The following FABP12 variants were observed in gnomAD, a reference collection of about 807,000 sequenced individuals.
The protein encoded by FABP12 is fatty acid binding protein 12.
FABP12 carries 19 observed loss-of-function variants against 13.7 expected under a neutral mutation model. The ratio of observed to expected loss-of-function variants is 1.39; its 90% CI spans 0.97 to 2.04. The LOEUF (loss-of-function observed/expected upper bound fraction) is 2.04. Among genes scored for constraint, FABP12 ranks in the 30% most tolerant of loss-of-function variants. FABP12 has a pLI of 0.00. For missense variants in FABP12, 182 were observed against 164.2 expected (o/e 1.11, Z -0.59); for synonymous variants, 61 against 57.0 (o/e 1.07, Z -0.32).
intron 1 of FABP12, among the ~76,000 whole-genome samples, chr8:81,552,236 C>T (rs577046105): frequency 7.2e-5 from 11 of 152,180 alleles, no homozygotes; most frequent in East Asian, 3.9e-4. Flanking sequence ...ACATTCCAAG[C>T]GGAGATAACA....
chr8:81,569,075 A>G (rs1382985198), intron 1 of FABP12, among the ~76,000 whole-genome samples: 1 of 152,190 alleles, frequency 6.6e-6, no homozygotes, highest in African/African-American at 2.4e-5. Flanking sequence ...ACAATCATTT[A>G]TTGTAAATTT....
chr8:81,578,823 G>GTTTTTTTTTTT (rs763089399), intron 1 of FABP12, among the ~76,000 whole-genome samples: 2 of 105,668 alleles, frequency 1.9e-5, no homozygotes, highest in African/African-American at 8.1e-5. Context: ...ATTTGTTCAA[G>GTTTTTTTTTTT]TTTTTTTTTT....
intron 1 of FABP12, among the ~76,000 whole-genome samples, chr8:81,583,891 A>G (rs952096937): frequency 6.6e-6 from 1 of 152,222 alleles, no homozygotes; most frequent in Non-Finnish European, 1.5e-5. Flanking sequence ...CAACAAAAAT[A>G]AAAAACCTAC....
chr8:81,579,549 G>A (rs1005199947), intron 1 of FABP12, among the ~76,000 whole-genome samples: 3 of 152,072 alleles, frequency 2.0e-5, no homozygotes, highest in East Asian at 3.9e-4. Context: ...ATGTCATTTT[G>A]GTGCAATTAA....
intron 1 of FABP12, among the ~76,000 whole-genome samples, chr8:81,552,996 G>T (rs773357717): frequency 3.9e-5 from 6 of 152,198 alleles, no homozygotes; most frequent in Non-Finnish European, 5.9e-5. Context: ...TCAGGAGAAA[G>T]TTCGGGGCTA....
upstream of FABP12, among the ~76,000 whole-genome samples, chr8:81,538,633 A>G (rs1294288843): frequency 2.0e-5 from 3 of 152,178 alleles, no homozygotes; most frequent in African/African-American, 7.2e-5. Flanking sequence ...GAAGAGAGGC[A>G]TGAAAAAGAT....
At chr8:81,555,832 T>A (rs968065836) in intron 1 of FABP12, among the ~76,000 whole-genome samples, 9 of 152,144 alleles carry the variant, frequency 5.9e-5, no homozygotes, top group Non-Finnish European at 1.3e-4. Flanking sequence ...CTAGAGACAC[T>A]AGAGAAGAAG....
At chr8:81,570,806 C>A (rs1307604433) in intron 1 of FABP12, among the ~76,000 whole-genome samples, 1 of 152,092 alleles carries the variant, frequency 6.6e-6, no homozygotes, top group Non-Finnish European at 1.5e-5. Flanking sequence ...GGAGGAAGTG[C>A]GCACCAATTG....
In FABP12 at chr8:81,533,843, C is replaced by T. The variant is rs1000570281; in HGVS notation, c.-117G>A. On this transcript the variant is annotated 5_prime_UTR_variant, in exon 1 of 5. It adds an upstream start codon to the 5' untranslated region. Transcript: ENST00000360464. The stretch of plus-strand genomic sequence containing the variant: ...TTGTTTAGGCTTGACCCCAGATGCA[C>T]AATCTGATCTCACGATGGACTTCTG... Among the ~76,000 whole-genome samples the T allele has an allele frequency of 2.0e-5, 3 of 152,150 alleles. No homozygotes were observed. Among genetic ancestry groups the T allele is most frequent in the Non-Finnish European group, 4.4e-5 (3 of 68,018 alleles).
At chr8:81,533,145 C>T (rs890869686) in intron 1 of FABP12, 3 of 152,234 alleles carry the variant, frequency 2.0e-5, no homozygotes, top group South Asian at 2.1e-4. Flanking sequence ...TAGACTTGCA[C>T]AGGCGTCAGT....
upstream of FABP12, among the ~76,000 whole-genome samples, chr8:81,537,366 A>T: frequency 6.6e-6 from 1 of 152,222 alleles, no homozygotes; most frequent in East Asian, 1.9e-4. Flanking sequence ...TTAAATTATA[A>T]AGTTTCTTCA....
intron 2 of FABP12, among the ~76,000 whole-genome samples, chr8:81,539,433 C>CTTTTTTTTTTT (rs35386904): frequency 2.0e-3 from 101 of 50,048 alleles, no homozygotes; most frequent in East Asian, 3.7e-3. Flanking sequence ...TTCTTTAGTT[C>CTTTTTTTTTTT]TTTTTTTTTT....
At chr8:81,527,223 TA>T (rs1383582120) in intron 3 of FABP12, 102 bp from the exon 4 acceptor site, 1 of 632,634 alleles carries the variant, frequency 1.6e-6, no homozygotes, top group Non-Finnish European at 2.7e-6. Context: ...TACTCTCAGG[TA>T]GTTTTAGAAT....
chr8:81,575,088 T>C (rs763485086), intron 1 of FABP12, among the ~76,000 whole-genome samples: 20 of 152,138 alleles, frequency 1.3e-4, no homozygotes, highest in Non-Finnish European at 2.5e-4. Context: ...TGTAGGTATG[T>C]AGGGCTATGA....
At chr8:81,569,985 G>T (rs1484735891) in intron 1 of FABP12, among the ~76,000 whole-genome samples, 1 of 152,226 alleles carries the variant, frequency 6.6e-6, no homozygotes, top group Non-Finnish European at 1.5e-5. Context: ...CTGGAGTCAG[G>T]CATGGAGCTG....
At chr8:81,562,837 C>T (rs746258715) in intron 1 of FABP12, among the ~76,000 whole-genome samples, 3 of 152,168 alleles carry the variant, frequency 2.0e-5, no homozygotes, top group Non-Finnish European at 4.4e-5. Context: ...GCACAGGATC[C>T]GGGGGAACTT....
intron 1 of FABP12, among the ~76,000 whole-genome samples, chr8:81,588,004 A>G (rs1313928746): frequency 6.6e-6 from 1 of 152,176 alleles, no homozygotes; most frequent in Non-Finnish European, 1.5e-5. Flanking sequence ...GAAGCATCCA[A>G]CAATGTAGAC....
intron 1 of FABP12, among the ~76,000 whole-genome samples, chr8:81,587,512 T>C (rs868486388): frequency 3.9e-5 from 6 of 152,264 alleles, no homozygotes; most frequent in Non-Finnish European, 8.8e-5. Context: ...TTCACCTCCC[T>C]GGTTAGCTGT....
exon 3 of FABP12, chr8:81,529,607 A>G (rs1371798897): frequency 1.9e-6 from 3 of 1,612,192 alleles, no homozygotes; most frequent in African/African-American, 1.3e-5. Context: ...GGCTCTTCCT[A>G]TACCTGGAAA....
Sources: gnomAD v4.1 joint callset for allele counts (sites outside exome capture counted in the v4.1 genomes callset) on GRCh38, gnomAD v4.1.1 for gene constraint, MANE v1.5 for transcripts, NCBI Gene and HGNC (gene_info 2026-07-23, HGNC 2026-07-21) for gene names.